The following TMC1 variants were observed in gnomAD, a reference collection of about 807,000 sequenced individuals.
TMC1 encodes transmembrane channel-like protein 1.
TMC1 carries 84 observed loss-of-function variants against 105.8 expected under a neutral mutation model. The observed-to-expected ratio is 0.79, with a 90% CI of 0.67 to 0.95. The LOEUF is 0.95. TMC1 is among the 40% of genes least tolerant of loss of function. The pLI, the probability that TMC1 is intolerant of heterozygous loss-of-function variation, is 0.00. For missense variants in TMC1, 817 were observed against 914.1 expected, an observed-to-expected ratio of 0.89 and a Z score of 1.37; for synonymous variants, 315 against 311.5, an observed-to-expected ratio of 1.01 and a Z score of -0.12.
intron 11 of TMC1, 40 bp downstream of exon 11, chr9:72,751,996 T>A (rs1361820450): frequency 7.8e-7 from 1 of 1,276,808 alleles, no homozygotes; most frequent in South Asian, 1.2e-5. Context: ...TGCTGAAAAA[T>A]GTTTCTCCTA....
At chr9:72,603,848 GTTTTTTTTTTTTTTTT>G (rs534608884) in intron 2 of TMC1, among the ~76,000 whole-genome samples, 161 of 74,006 alleles carry the variant, frequency 2.2e-3, no homozygotes, top group African/African-American at 7.9e-3. Context: ...GCGACCGGCT[GTTTTTTTTTTTTTTTT>G]TTTTTTTTTT....
chr9:72,687,932 TAA>T (rs1354491237), intron 5 of TMC1, among the ~76,000 whole-genome samples: 2 of 152,160 alleles, frequency 1.3e-5, no homozygotes, highest in Non-Finnish European at 2.9e-5. Flanking sequence ...GAATGAACAT[TAA>T]GTTGACAAAA....
At chr9:72,708,507 C>CTT (rs71495335) in intron 8 of TMC1, among the ~76,000 whole-genome samples, 2,253 of 146,464 alleles carry the variant, frequency 0.015, 74 homozygotes, top group East Asian at 0.089. Flanking sequence ...ATCCCAAGTA[C>CTT]TTTTTTTTTT....
At chr9:72,741,523 C>T (rs1023447795) in intron 9 of TMC1, 1 of 194,856 alleles carries the variant, frequency 5.1e-6, no homozygotes, top group Non-Finnish European at 1.0e-5. Flanking sequence ...CCTGTCTTAT[C>T]CTAGATCTTG....
intron 1 of TMC1, among the ~76,000 whole-genome samples, chr9:72,538,560 C>T (rs780320335): frequency 1.3e-5 from 2 of 152,092 alleles, no homozygotes; most frequent in South Asian, 2.1e-4. Context: ...CATCAGCCTC[C>T]TATGTAGCTG....
intron 21 of TMC1, among the ~76,000 whole-genome samples, chr9:72,827,624 A>G (rs1256255504): frequency 6.6e-6 from 1 of 152,170 alleles, no homozygotes; most frequent in East Asian, 1.9e-4. Flanking sequence ...TTTTCACATA[A>G]CTTTCATTGG....
At chr9:72,586,492 G>C (rs1206606920) in intron 2 of TMC1, among the ~76,000 whole-genome samples, 3 of 152,132 alleles carry the variant, frequency 2.0e-5, no homozygotes, top group Admixed American at 2.0e-4. Flanking sequence ...GCTAGCCTTG[G>C]TGCAAAGTTT....
intron 17 of TMC1, among the ~76,000 whole-genome samples, chr9:72,799,205 G>T (rs1245729262): frequency 1.3e-5 from 2 of 152,004 alleles, no homozygotes; most frequent in African/African-American, 4.8e-5. Flanking sequence ...TGATTTTGGG[G>T]CTTCAGATTA....
intron 2 of TMC1, among the ~76,000 whole-genome samples, chr9:72,585,665 G>A (rs946789620): frequency 1.3e-5 from 2 of 152,308 alleles, no homozygotes; most frequent in African/African-American, 2.4e-5. Context: ...AAGGTGAAGC[G>A]AGTATAATGT....
chr9:72,740,133 T>A lies in TMC1; in HGVS notation c.377T>A (p.Phe126Tyr). 1 of 1,613,586 alleles carries A rather than the reference T, an allele frequency of 6.2e-7. No homozygotes were observed. The highest frequency in any genetic ancestry group is 8.5e-7 in the Non-Finnish European group (1 of 1,179,688). Residue 126 changes from phenylalanine (F) to tyrosine (Y), a missense_variant, in exon 9 of 24, where the codon TTT becomes TAT. Physicochemically the swap from Phe to Tyr is conservative, Grantham distance 22 (BLOSUM62 3). Transcript: ENST00000297784. The part of the protein sequence containing the change: ...KIEVLKEAKK[F>Y]VSENEGALGK... ...TATTTTCTCAGGGAGGCAAAAAAATTTGTGAGTGAAAATGAAGGGGCTCTT... is the reference window on the plus strand; with the variant it reads ...TATTTTCTCAGGGAGGCAAAAAAATATGTGAGTGAAAATGAAGGGGCTCTT...
chr9:72,806,753 G>A (rs1468114053), intron 18 of TMC1, among the ~76,000 whole-genome samples: 3 of 150,774 alleles, frequency 2.0e-5, no homozygotes, highest in Admixed American at 2.0e-4. Context: ...GATGGCGGCC[G>A]GGCGGAGACG....
At chr9:72,791,302 G>C (rs576952118) in intron 15 of TMC1, among the ~76,000 whole-genome samples, 5 of 151,086 alleles carry the variant, frequency 3.3e-5, no homozygotes, top group African/African-American at 1.2e-4. Context: ...ATTATGTCAT[G>C]TGTTCTCCAT....
chr9:72,538,779 C>T (rs73475897), intron 1 of TMC1, among the ~76,000 whole-genome samples: 1,836 of 152,172 alleles, frequency 0.012, 37 homozygotes, highest in African/African-American at 0.039. Context: ...TTAGGTCTTG[C>T]TATGTCATGT....
chr9:72,660,711 C>T (rs992983513), intron 5 of TMC1, among the ~76,000 whole-genome samples: 2 of 152,076 alleles, frequency 1.3e-5, no homozygotes, highest in Non-Finnish European at 2.9e-5. Context: ...CTGAACTGTG[C>T]GGGAGATGCT....
intron 8 of TMC1, among the ~76,000 whole-genome samples, chr9:72,730,076 G>A (rs1827184335): frequency 6.6e-6 from 1 of 152,060 alleles, no homozygotes; most frequent in Admixed American, 6.5e-5. Flanking sequence ...TATATATTTT[G>A]ATTACAAAGA....
chr9:72,789,338 T>C (rs1032531915), intron 15 of TMC1, 21 bp downstream of exon 15: 3 of 1,609,566 alleles, frequency 1.9e-6, no homozygotes, highest in Non-Finnish European at 1.7e-6. Flanking sequence ...GCATGCTTTT[T>C]ATGTGCTTAG....
chr9:72,783,585 G>T (rs990094110), intron 13 of TMC1, among the ~76,000 whole-genome samples: 2 of 152,110 alleles, frequency 1.3e-5, no homozygotes, highest in South Asian at 4.1e-4. Context: ...TGACTCAACT[G>T]TCAGTCTCCT....
intron 13 of TMC1, among the ~76,000 whole-genome samples, chr9:72,784,059 T>C (rs749914254): frequency 6.6e-6 from 1 of 152,028 alleles, no homozygotes; most frequent in Non-Finnish European, 1.5e-5. Flanking sequence ...AAAACCAAAA[T>C]TGATAGGTGG....
intron 17 of TMC1, among the ~76,000 whole-genome samples, chr9:72,793,371 G>A (rs1253918854): frequency 6.6e-6 from 1 of 152,160 alleles, no homozygotes; most frequent in Non-Finnish European, 1.5e-5. Flanking sequence ...CTGAGACAGA[G>A]CTCCTGGGGG....
Sources: gnomAD v4.1 joint callset for allele counts (sites outside exome capture counted in the v4.1 genomes callset) on GRCh38, gnomAD v4.1.1 for gene constraint, MANE v1.5 for transcripts, NCBI Gene and HGNC (gene_info 2026-07-23, HGNC 2026-07-21) for gene names.